OR1F1: variants seen among roughly 807,000 people sequenced by gnomAD.
The protein encoded by OR1F1 is olfactory receptor family 1 subfamily F member 1.
For missense variants in OR1F1, 493 were observed against 376.3 expected (o/e 1.31, Z -2.57); for synonymous variants, 184 against 156.7 (o/e 1.17, Z -1.30).
At chr16:3,190,913 C>A in the OR1F1 span, among the ~76,000 whole-genome samples, 1 of 152,128 alleles carries the variant, frequency 6.6e-6, no homozygotes, top group African/African-American at 2.4e-5. Flanking sequence ...TCTTTGACAA[C>A]GGGACCTATG....
chr16:3,203,494 G>A (rs963733919), upstream of OR1F1, among the ~76,000 whole-genome samples: 1 of 152,206 alleles, frequency 6.6e-6, no homozygotes, highest in Non-Finnish European at 1.5e-5. Context: ...GGCCAGGTGT[G>A]GTGGCTCACG....
At chr16:3,194,676 T>C in the OR1F1 span, among the ~76,000 whole-genome samples, 1 of 151,896 alleles carries the variant, frequency 6.6e-6, no homozygotes. Context: ...AATGGAAAAA[T>C]ATGCAGATCA....
chr16:3,199,786 C>T (rs112321345), upstream of OR1F1, among the ~76,000 whole-genome samples: 4,969 of 152,068 alleles, frequency 0.033, 268 homozygotes, highest in African/African-American at 0.11. Flanking sequence ...GAGGCCAAGG[C>T]GGGCGGATCG....
chr16:3,192,066 C>G, the OR1F1 span, among the ~76,000 whole-genome samples: 1 of 152,112 alleles, frequency 6.6e-6, no homozygotes, highest in South Asian at 2.1e-4. Context: ...AGCCCCTCTT[C>G]TTATTTTTGA....
the OR1F1 span, among the ~76,000 whole-genome samples, chr16:3,190,623 C>A: frequency 3.3e-5 from 5 of 151,794 alleles, no homozygotes; most frequent in Non-Finnish European, 7.4e-5. Context: ...TGGTGGCGGG[C>A]GCCTGTAATC....
At chr16:3,192,315 A>G in the OR1F1 span, among the ~76,000 whole-genome samples, 1 of 152,190 alleles carries the variant, frequency 6.6e-6, no homozygotes, top group South Asian at 2.1e-4. Flanking sequence ...GGCCTCCCAA[A>G]GTGCGGGGAT....
At chr16:3,199,014 C>A in the OR1F1 span, among the ~76,000 whole-genome samples, 5,083 of 149,484 alleles carry the variant, frequency 0.034, 235 homozygotes, top group African/African-American at 0.11. Context: ...GATGGTGGCT[C>A]ACGCCTATAA....
exon 1 of OR1F1, chr16:3,204,853 G>A (rs1281303294): frequency 2.5e-6 from 4 of 1,614,024 alleles, no homozygotes; most frequent in African/African-American, 1.3e-5. Flanking sequence ...CCTTAGTGAG[G>A]GTGCCCTGGT....
chr16:3,196,917 AC>A, the OR1F1 span, among the ~76,000 whole-genome samples: 1 of 149,746 alleles, frequency 6.7e-6, no homozygotes, highest in Admixed American at 6.6e-5. Context: ...CACTCTGTTG[AC>A]CAGGCTGGAG....
the OR1F1 span, among the ~76,000 whole-genome samples, chr16:3,196,934 T>C: frequency 1.3e-5 from 2 of 152,024 alleles, no homozygotes; most frequent in African/African-American, 4.8e-5. Flanking sequence ...TGGAGTGCAG[T>C]GGTGCAATCT....
chr16:3,194,477 T>C, the OR1F1 span, among the ~76,000 whole-genome samples: 2 of 152,208 alleles, frequency 1.3e-5, no homozygotes, highest in Admixed American at 6.5e-5. Context: ...GTTTCATTAA[T>C]GTTGCTCAAC....
At chr16:3,205,885 T>C (rs1235554470), downstream of OR1F1, among the ~76,000 whole-genome samples, 2 of 152,196 alleles carry the variant, frequency 1.3e-5, no homozygotes, top group Non-Finnish European at 2.9e-5. Flanking sequence ...TTGAACAATA[T>C]GAAATCAGTG....
chr16:3,203,655 T>C (rs1958164036), upstream of OR1F1, among the ~76,000 whole-genome samples: 1 of 152,128 alleles, frequency 6.6e-6, no homozygotes. Context: ...TCCCAGCTAC[T>C]TGGGAGGCTG....
chr16:3,203,810 G>T (rs946558708), upstream of OR1F1, among the ~76,000 whole-genome samples: 1 of 152,162 alleles, frequency 6.6e-6, no homozygotes, highest in African/African-American at 2.4e-5. Flanking sequence ...ACTGATAACT[G>T]CTTGTCAGGA....
upstream of OR1F1, among the ~76,000 whole-genome samples, chr16:3,200,984 C>T (rs1474449937): frequency 6.6e-6 from 1 of 152,232 alleles, no homozygotes; most frequent in Non-Finnish European, 1.5e-5. Context: ...CCCCACATCC[C>T]CTTCCCCAGC....
chr16:3,197,036 C>G, the OR1F1 span, among the ~76,000 whole-genome samples: 5 of 152,058 alleles, frequency 3.3e-5, no homozygotes, highest in Non-Finnish European at 5.9e-5. Flanking sequence ...GCCACTGCAC[C>G]TAATTTTTGT....
chr16:3,192,584 G>A, the OR1F1 span, among the ~76,000 whole-genome samples: 2 of 152,240 alleles, frequency 1.3e-5, no homozygotes, highest in Non-Finnish European at 2.9e-5. Context: ...TTACCACTAG[G>A]TAAATGACAG....
chr16:3,191,192 CTT>C, the OR1F1 span: 2 of 152,178 alleles, frequency 1.3e-5, no homozygotes, highest in African/African-American at 4.8e-5. Context: ...GTCGTTGACT[CTT>C]TTAGGTGCGT....
downstream of OR1F1, among the ~76,000 whole-genome samples, chr16:3,205,473 C>T (rs1596325957): frequency 6.8e-6 from 1 of 146,906 alleles, no homozygotes; most frequent in African/African-American, 2.5e-5. Context: ...GTGCCACATG[C>T]CTAGCTAAAT....
Sources: gnomAD v4.1 joint callset for allele counts (sites outside exome capture counted in the v4.1 genomes callset) on GRCh38, gnomAD v4.1.1 for gene constraint, MANE v1.5 for transcripts, NCBI Gene and HGNC (gene_info 2026-07-23, HGNC 2026-07-21) for gene names.